Variants in ABCC2 observed in about 807,000 individuals in gnomAD.
The protein encoded by ABCC2 is ATP-binding cassette sub-family C member 2.
A neutral mutation model predicts 173.4 loss-of-function variants in ABCC2; 157 were observed. That is an observed-to-expected ratio of 0.91 (90% CI 0.80 to 1.03). The LOEUF (loss-of-function observed/expected upper bound fraction) is 1.03, where lower values mean the gene tolerates loss of function less well. Among genes scored for constraint, ABCC2 ranks in the 50% least tolerant of loss-of-function variants. ABCC2 has a pLI of 0.00. For synonymous variants in ABCC2, 657 were observed against 693.5 expected (o/e 0.95, Z 0.83); for missense variants, 1,822 against 1,852.3 (o/e 0.98, Z 0.30).
chr10:99,797,333 T>C lies in ABCC2; in HGVS notation c.867+2T>C, dbSNP rs1358933923. 1 of 1,609,812 alleles carries C rather than the reference T, an allele frequency of 6.2e-7. No homozygotes were observed. Among genetic ancestry groups the C allele is most frequent in the Admixed American group, 1.7e-5 (1 of 59,346 alleles). ...CAAAGCCAAGATGCCCTTGTCCTGG[T>C]AACTTTCCCTTGAGTGTCTGTGTGA... is the stretch of plus-strand genomic sequence containing the variant. On this transcript the variant is annotated splice_donor_variant, in intron 7 of 31. Transcript: ENST00000647814. LOFTEE classifies it high-confidence loss of function.
chr10:99,812,978 A>G, intron 15 of ABCC2, 40 bp from the exon 16 acceptor site: 1 of 1,612,280 alleles, frequency 6.2e-7, no homozygotes, highest in African/African-American at 1.3e-5. Context: ...TTCAATACCC[A>G]ACCCCTGCTA....
In ABCC2 at chr10:99,836,134, C is replaced by T; in HGVS notation, c.3458C>T (p.Ser1153Phe). The T allele has an allele frequency of 6.2e-7, 1 of 1,614,182 alleles. No individual in the cohort carries two copies. The highest frequency in any genetic ancestry group is 1.1e-5 in the South Asian group (1 of 91,086). ...TCCCGCCAGCTGAGGCGTCTGGACTCTGTCACCAGGTCCCCAATCTACTCT... is the reference window on the plus strand; with the variant it reads ...TCCCGCCAGCTGAGGCGTCTGGACTTTGTCACCAGGTCCCCAATCTACTCT... Reference protein sequence around the residue: ...STSRQLRRLDSVTRSPIYSHF... With the variant: ...STSRQLRRLDFVTRSPIYSHF... Residue 1153 changes from serine to phenylalanine, a missense_variant, in exon 25 of 32, where the codon TCT becomes TTT. By Grantham distance (155) the Ser-to-Phe change is radical. Coordinates refer to ENST00000647814, the MANE Select transcript of ABCC2 (RefSeq NM_000392.5).
At position 99,845,767 on chromosome 10, in the gene ABCC2, GACCA is replaced by G. The variant is rs1232635755; in HGVS notation, c.4132_4135del (p.Thr1378SerfsTer13). 6.2e-7 allele frequency: 1 copy of G among 1,612,322 alleles called. No individual in the cohort carries two copies. The highest frequency in any genetic ancestry group is 1.7e-5 in the Admixed American group (1 of 59,792). On this transcript the variant is annotated frameshift_variant, in exon 29 of 32. Transcript: ENST00000647814. LOFTEE classifies it high-confidence loss of function. Reference sequence around the variant, plus strand: ...GGCTCCACGACCTCCGAGAGAAGCTGACCATCATCCCCCAGGTGAGCTCTAGAAC... The same window carrying G: ...GGCTCCACGACCTCCGAGAGAAGCTGTCATCCCCCAGGTGAGCTCTAGAAC...
chr10:99,825,771 G>A (rs980628373), intron 19 of ABCC2, among the ~76,000 whole-genome samples: 13 of 152,128 alleles, frequency 8.5e-5, no homozygotes, highest in South Asian at 4.2e-4. Flanking sequence ...ATTTTTTGTG[G>A]GGGCTCCCCT....
At position 99,850,735 on chromosome 10, in the gene ABCC2, T is replaced by G. The variant is rs886046621; in HGVS notation, c.4447T>G (p.Phe1483Val). The stretch of plus-strand genomic sequence containing the variant: ...CATTCAGACGACCATCCAAAACGAG[T>G]TCGCCCACTGCACAGTGATCACCAT... ...NLIQTTIQNE[F>V]AHCTVITIAH... Residue 1483 changes from phenylalanine (F) to valine (V), a missense_variant, in exon 31 of 32, where the codon TTC becomes GTC. Phe to Val is a conservative substitution (Grantham distance 50). Coordinates refer to ENST00000647814, the MANE Select transcript of ABCC2 (RefSeq NM_000392.5). 4 of 1,613,888 alleles carry G rather than the reference T, an allele frequency of 2.5e-6. No individual in the cohort carries two copies. The East Asian group carries it at 6.7e-5, about 27-fold the overall frequency.
chr10:99,852,085 C>T lies in ABCC2; in HGVS notation c.*454C>T, dbSNP rs184027597. On this transcript the variant is annotated 3_prime_UTR_variant, in exon 32 of 32. Transcript: ENST00000647814. Reference sequence around the variant, plus strand: ...ATAGGTGCATTATTTTTTTTCACTGCTCTGTAGTCTGGCATTGTATGAATA... The same window carrying T: ...ATAGGTGCATTATTTTTTTTCACTGTTCTGTAGTCTGGCATTGTATGAATA... 82 of 170,196 alleles carry T rather than the reference C, an allele frequency of 4.8e-4. No homozygotes were observed. The highest frequency in any genetic ancestry group is 9.6e-4 in the Admixed American group (17 of 17,700). 10.5% of individuals were successfully genotyped at this position (170,196 alleles called of 1,614,324 possible).
chr10:99,794,777 A>G (rs2037870474), intron 6 of ABCC2, among the ~76,000 whole-genome samples: 1 of 152,024 alleles, frequency 6.6e-6, no homozygotes, highest in African/African-American at 2.4e-5. Context: ...ACTCAAGCTC[A>G]TGTTCCACCT....
rs1406398595 is a variant in ABCC2, at chr10:99,819,281, G to A, written c.2620+12G>A. 3.7e-6 allele frequency: 6 copies of A among 1,611,832 alleles called. No individual in the cohort carries two copies. The African/African-American group carries it at 6.7e-5, about 18-fold the overall frequency. On this transcript the variant is annotated intron_variant, in intron 19 of 31. Transcript: ENST00000647814. ...AGAGGAAGCCACAGGTATGTAAGAA[G>A]GATTGGGACAAGATAGAACTTGGGC...
intron 16 of ABCC2, among the ~76,000 whole-genome samples, chr10:99,814,161 A>G (rs1298848183): frequency 9.3e-6 from 1 of 107,844 alleles, no homozygotes; most frequent in Admixed American, 8.8e-5. Context: ...ATGTATACAC[A>G]CGTATATATA....
intron 2 of ABCC2, among the ~76,000 whole-genome samples, chr10:99,785,182 G>A (rs1253522667): frequency 2.0e-5 from 3 of 152,148 alleles, no homozygotes; most frequent in African/African-American, 7.2e-5. Flanking sequence ...CCCCACTGAG[G>A]CAATCCAACT....
At chr10:99,825,201 G>A (rs990948158) in intron 19 of ABCC2, among the ~76,000 whole-genome samples, 5 of 151,534 alleles carry the variant, frequency 3.3e-5, no homozygotes, top group African/African-American at 7.3e-5. Flanking sequence ...AATAAATCTC[G>A]ACCCCACAGA....
At chr10:99,805,326 C>A (rs2038081352) in intron 10 of ABCC2, 56 bp from the exon 11 acceptor site, 3 of 1,525,666 alleles carry the variant, frequency 2.0e-6, no homozygotes, top group Non-Finnish European at 1.8e-6. Context: ...TGCAGCAAAC[C>A]TGAGCCCTCT....
chr10:99,808,482 AT>A (rs1425685989), intron 13 of ABCC2, among the ~76,000 whole-genome samples: 1 of 152,180 alleles, frequency 6.6e-6, no homozygotes, highest in Non-Finnish European at 1.5e-5. Flanking sequence ...TTGTGAAAGC[AT>A]TTAGTGAGAT....
At chr10:99,819,046 G>A in intron 18 of ABCC2, 43 bp from the exon 19 acceptor site, 1 of 1,612,636 alleles carries the variant, frequency 6.2e-7, no homozygotes, top group Non-Finnish European at 8.5e-7. Context: ...AGGGAAGATG[G>A]TGGACATATG....
intron 19 of ABCC2, among the ~76,000 whole-genome samples, chr10:99,822,469 G>C (rs61870457): frequency 6.6e-6 from 1 of 151,820 alleles, no homozygotes. Context: ...TTGCATCTCC[G>C]ATGGGTTCAT....
chr10:99,847,180 C>A, intron 30 of ABCC2, 53 bp downstream of exon 30: 1 of 1,590,542 alleles, frequency 6.3e-7, no homozygotes, highest in Non-Finnish European at 8.6e-7. Flanking sequence ...TGTGAGGGGG[C>A]CACTCCTCGT....
At chr10:99,826,004 T>C (rs1417338374) in intron 19 of ABCC2, among the ~76,000 whole-genome samples, 1 of 152,222 alleles carries the variant, frequency 6.6e-6, no homozygotes, top group African/African-American at 2.4e-5. Flanking sequence ...CCGACAATGG[T>C]TGCCCATTTT....
chr10:99,792,654 C>A (rs928527206), intron 3 of ABCC2, among the ~76,000 whole-genome samples: 10 of 152,212 alleles, frequency 6.6e-5, no homozygotes, highest in African/African-American at 2.4e-4. Flanking sequence ...AGCTAAGTTT[C>A]TTGATGTAAA....
At chr10:99,844,648 C>G (rs897103983) in intron 28 of ABCC2, among the ~76,000 whole-genome samples, 183 bp downstream of exon 28, 2 of 152,202 alleles carry the variant, frequency 1.3e-5, no homozygotes. Context: ...AGCCAGGGAT[C>G]ACACAGACTT....
Sources: gnomAD v4.1 joint callset for allele counts (sites outside exome capture counted in the v4.1 genomes callset) on GRCh38, gnomAD v4.1.1 for gene constraint, MANE v1.5 for transcripts, NCBI Gene and HGNC (gene_info 2026-07-23, HGNC 2026-07-21) for gene names.